ABTB3: variants seen among roughly 807,000 people sequenced by gnomAD.
ABTB3 encodes the protein ankyrin repeat and BTB domain containing 3.
At chr12:107,642,545 A>G in the ABTB3 span, among the ~76,000 whole-genome samples, 24 of 152,174 alleles carry the variant, frequency 1.6e-4, no homozygotes, top group Non-Finnish European at 1.5e-4. Flanking sequence ...GGGGAAATAG[A>G]GAAGACCTCT....
chr12:107,451,324 A>G, the ABTB3 span, among the ~76,000 whole-genome samples: 1 of 152,148 alleles, frequency 6.6e-6, no homozygotes, highest in Non-Finnish European at 1.5e-5. Context: ...GCAACTCCAA[A>G]GGTGAATCTG....
chr12:107,627,612 C>A, the ABTB3 span, among the ~76,000 whole-genome samples: 2 of 152,310 alleles, frequency 1.3e-5, no homozygotes, highest in East Asian at 3.9e-4. Flanking sequence ...CTTCATCCCC[C>A]TTAAGGGCAG....
the ABTB3 span, among the ~76,000 whole-genome samples, chr12:107,478,014 T>C: frequency 6.6e-6 from 1 of 152,174 alleles, no homozygotes; most frequent in Non-Finnish European, 1.5e-5. Context: ...GAAGACCCAG[T>C]GTGGTAAAGA....
chr12:107,319,639 C>A, the ABTB3 span: 1 of 1,536,938 alleles, frequency 6.5e-7, no homozygotes, highest in Non-Finnish European at 8.7e-7. Context: ...ACGAGCACGC[C>A]GCCATCTACC....
the ABTB3 span, among the ~76,000 whole-genome samples, chr12:107,621,096 C>T: frequency 4.6e-5 from 7 of 152,182 alleles, no homozygotes; most frequent in South Asian, 2.1e-4. Context: ...CAGGGATGGC[C>T]CTTCAGTAAG....
At chr12:107,404,216 C>CAAACAAAG in the ABTB3 span, among the ~76,000 whole-genome samples, 1 of 120,598 alleles carries the variant, frequency 8.3e-6, no homozygotes, top group Non-Finnish European at 1.8e-5. Flanking sequence ...GTAAATGACA[C>CAAACAAAG]AAACAAAGGA....
chr12:107,523,760 G>C, the ABTB3 span, among the ~76,000 whole-genome samples: 1 of 152,152 alleles, frequency 6.6e-6, no homozygotes. Context: ...AGCACTCTTG[G>C]AGAGACATTG....
the ABTB3 span, among the ~76,000 whole-genome samples, chr12:107,355,045 C>T: frequency 3.9e-5 from 6 of 152,202 alleles, no homozygotes; most frequent in African/African-American, 1.4e-4. Flanking sequence ...CCCAGGAGTG[C>T]CTGCTTTTAT....
the ABTB3 span, among the ~76,000 whole-genome samples, chr12:107,377,754 C>CA: frequency 2.6e-5 from 4 of 152,186 alleles, no homozygotes; most frequent in East Asian, 7.7e-4. Context: ...ATGGGATTAA[C>CA]ATTGCACACA....
the ABTB3 span, among the ~76,000 whole-genome samples, chr12:107,323,595 T>C: frequency 6.6e-6 from 1 of 152,144 alleles, no homozygotes; most frequent in Non-Finnish European, 1.5e-5. Context: ...TTTTAAAAAT[T>C]TGACTTGATT....
chr12:107,394,557 C>T, the ABTB3 span, among the ~76,000 whole-genome samples: 2 of 152,210 alleles, frequency 1.3e-5, no homozygotes, highest in African/African-American at 4.8e-5. Context: ...GCTGTTTTTA[C>T]AGCCTGACTC....
chr12:107,600,975 G>A, the ABTB3 span, among the ~76,000 whole-genome samples: 2 of 152,192 alleles, frequency 1.3e-5, no homozygotes. Context: ...TGGTGGTGGG[G>A]GGGTGTCCAG....
chr12:107,580,955 C>T, the ABTB3 span: 1 of 1,551,664 alleles, frequency 6.4e-7, no homozygotes, highest in Non-Finnish European at 8.7e-7. Flanking sequence ...CCCGGGGTCA[C>T]CGGTGCGGTC....
At chr12:107,392,897 G>A in the ABTB3 span, among the ~76,000 whole-genome samples, 5 of 152,188 alleles carry the variant, frequency 3.3e-5, no homozygotes, top group Non-Finnish European at 5.9e-5. Flanking sequence ...AAGCTCTCCC[G>A]CCCTGTGGAA....
At chr12:107,405,181 T>C in the ABTB3 span, among the ~76,000 whole-genome samples, 1 of 152,176 alleles carries the variant, frequency 6.6e-6, no homozygotes, top group African/African-American at 2.4e-5. Flanking sequence ...TGTACACTGC[T>C]CAGCTCTAGA....
chr12:107,358,464 G>C, the ABTB3 span, among the ~76,000 whole-genome samples: 99 of 152,202 alleles, frequency 6.5e-4, no homozygotes, highest in Non-Finnish European at 9.8e-4. Flanking sequence ...GGGGAAAGTG[G>C]AGGATATAAG....
At chr12:107,623,852 A>G in the ABTB3 span, among the ~76,000 whole-genome samples, 3 of 152,198 alleles carry the variant, frequency 2.0e-5, no homozygotes, top group Non-Finnish European at 4.4e-5. Flanking sequence ...AGTGTTTACA[A>G]AATGAAATGG....
At chr12:107,623,358 CTTTTTTTTTTTTTT>C in the ABTB3 span, among the ~76,000 whole-genome samples, 2 of 69,624 alleles carry the variant, frequency 2.9e-5, no homozygotes, top group Non-Finnish European at 5.4e-5. Context: ...CACGCCTGGC[CTTTTTTTTTTTTTT>C]TTTTTTTTTT....
the ABTB3 span, among the ~76,000 whole-genome samples, chr12:107,559,528 C>A: frequency 2.6e-5 from 4 of 152,214 alleles, no homozygotes; most frequent in Non-Finnish European, 2.9e-5. Context: ...GAGCTCATCC[C>A]ACTTTTGAAC....
Sources: gnomAD v4.1 joint callset for allele counts (sites outside exome capture counted in the v4.1 genomes callset) on GRCh38, gnomAD v4.1.1 for gene constraint, MANE v1.5 for transcripts, NCBI Gene and HGNC (gene_info 2026-07-23, HGNC 2026-07-21) for gene names.